The following EDIL3 variants were observed in gnomAD, a reference collection of about 807,000 sequenced individuals.
EDIL3 encodes EGF like and discoidin domains 3.
Under a neutral mutation model 67.4 loss-of-function variants are expected in EDIL3, and 37 were observed. That is an observed-to-expected ratio of 0.55 (90% CI 0.42 to 0.72). The LOEUF (loss-of-function observed/expected upper bound fraction) is 0.72, where lower values mean the gene tolerates loss of function less well. EDIL3 is among the 30% of genes least tolerant of loss of function. EDIL3 has a pLI of 0.00. For synonymous variants in EDIL3, 195 were observed against 196.3 expected, an observed-to-expected ratio of 0.99 and a Z score of 0.05; for missense variants, 527 against 586.3, an observed-to-expected ratio of 0.90 and a Z score of 1.04.
chr5:84,242,025 C>T (rs1237156470), intron 2 of EDIL3, among the ~76,000 whole-genome samples: 1 of 149,230 alleles, frequency 6.7e-6, no homozygotes, highest in Non-Finnish European at 1.5e-5. Context: ...TCGAGACCAT[C>T]CTGGCTAAAA....
At chr5:84,264,647 A>G (rs1050562134) in intron 1 of EDIL3, among the ~76,000 whole-genome samples, 30 of 152,218 alleles carry the variant, frequency 2.0e-4, no homozygotes, top group African/African-American at 7.0e-4. Context: ...TAGATAATAT[A>G]TTTTTGTAAT....
chr5:84,268,413 G>A (rs1022688348), intron 1 of EDIL3, among the ~76,000 whole-genome samples: 4 of 152,060 alleles, frequency 2.6e-5, no homozygotes, highest in Admixed American at 6.6e-5. Flanking sequence ...CCATTTACAC[G>A]AGAGTAAAAT....
chr5:84,319,247 C>T (rs34380060), intron 1 of EDIL3, among the ~76,000 whole-genome samples: 2,293 of 80,442 alleles, frequency 0.029, 655 homozygotes, highest in Non-Finnish European at 0.046. Context: ...CCGAGGCGGG[C>T]GGATCACGAG....
intron 1 of EDIL3, among the ~76,000 whole-genome samples, chr5:84,275,534 T>C (rs776031584): frequency 1.2e-4 from 19 of 152,332 alleles, no homozygotes; most frequent in Middle Eastern, 6.8e-3. Flanking sequence ...TTATCATGTG[T>C]TGGTCTCATT....
rs556123363 is a variant in EDIL3 at position 84,228,575 on chromosome 5, A to G, written c.226+1280T>C. 2.0e-5 allele frequency among the ~76,000 whole-genome samples: 3 copies of G among 152,272 alleles called. No homozygotes were observed. The South Asian group carries it at 6.2e-4, about 32-fold the overall frequency. On this transcript the variant is annotated intron_variant, in intron 3 of 10. Transcript: ENST00000296591. ...ATCAGGCTATAGACTATCTAACAAT[A>G]TTATGAAAATGAAACATCAATTGAG...
At chr5:84,349,213 C>A (rs548947089) in intron 1 of EDIL3, among the ~76,000 whole-genome samples, 2 of 152,162 alleles carry the variant, frequency 1.3e-5, no homozygotes, top group Non-Finnish European at 2.9e-5. Context: ...GGCAACAGTG[C>A]ATCGGATTTT....
At chr5:83,974,365 A>C (rs929567358) in intron 9 of EDIL3, among the ~76,000 whole-genome samples, 8 of 151,806 alleles carry the variant, frequency 5.3e-5, no homozygotes, top group African/African-American at 1.7e-4. Context: ...GAGAGTTTGG[A>C]AAAGATTGGA....
intron 1 of EDIL3, among the ~76,000 whole-genome samples, chr5:84,325,258 G>A (rs1291062375): frequency 6.6e-6 from 1 of 151,832 alleles, no homozygotes; most frequent in African/African-American, 2.4e-5. Context: ...AATGTATAGT[G>A]AATTCTTAAA....
intron 1 of EDIL3, among the ~76,000 whole-genome samples, chr5:84,363,075 A>G (rs1747647675): frequency 6.6e-6 from 1 of 152,142 alleles, no homozygotes; most frequent in Non-Finnish European, 1.5e-5. Context: ...TTAAGTATAT[A>G]CCTTTATAAT....
chr5:84,137,294 G>T lies in EDIL3; in HGVS notation c.416C>A (p.Ala139Asp). The T allele has an allele frequency of 6.2e-7, 1 of 1,613,306 alleles. No individual in the cohort carries two copies. Among genetic ancestry groups the T allele is most frequent in the Non-Finnish European group, 8.5e-7 (1 of 1,179,836 alleles). ...GCCTGGGCACTCACAGGAATAGTTAGCAACAAGATCTGTACATATTCCACC... is the reference window on the plus strand; with the variant it reads ...GCCTGGGCACTCACAGGAATAGTTATCAACAAGATCTGTACATATTCCACC... ...KNGGICTDLV[A>D]NYSCECPGEF... The change falls in exon 5 of 11, where the codon GCT becomes GAT. Residue 139 changes from alanine (A) to aspartate (D), a missense_variant. By Grantham distance (126) the Ala-to-Asp change is moderately radical. Coordinates refer to ENST00000296591, the MANE Select transcript of EDIL3 (RefSeq NM_005711.5).
Position 84,295,882 on chromosome 5 carries a change from T to C in EDIL3, c.68-41670A>G, listed in dbSNP as rs757476562. On this transcript the variant is annotated intron_variant, in intron 1 of 10. Coordinates refer to ENST00000296591, the MANE Select transcript of EDIL3 (RefSeq NM_005711.5). ...GTGACTCAGGTTGTCAGCAATCATA[T>C]AGGAAGGAAATTATAGGTTATTACA... Among the ~76,000 whole-genome samples the C allele has an allele frequency of 7.9e-4, 120 of 152,306 alleles. 2 individuals are homozygous for C. Among genetic ancestry groups the C allele is most frequent in the Non-Finnish European group, 2.8e-4 (19 of 67,996 alleles).
chr5:84,012,476 T>C (rs2112181963), intron 9 of EDIL3, among the ~76,000 whole-genome samples: 1 of 152,268 alleles, frequency 6.6e-6, no homozygotes, highest in South Asian at 2.1e-4. Flanking sequence ...TTAACCTCAG[T>C]TTGAGTTCAA....
chr5:84,314,842 C>T (rs1213072735), intron 1 of EDIL3, among the ~76,000 whole-genome samples: 1 of 152,084 alleles, frequency 6.6e-6, no homozygotes, highest in South Asian at 2.1e-4. Context: ...TCCCAGGAAT[C>T]AAAGAAATCT....
chr5:84,284,548 T>G (rs1286075108), intron 1 of EDIL3, among the ~76,000 whole-genome samples: 6 of 152,180 alleles, frequency 3.9e-5, no homozygotes, highest in Admixed American at 1.3e-4. Context: ...CTGCAATAAT[T>G]GGTTATAATC....
chr5:83,949,627 T>A lies in EDIL3; in HGVS notation c.1294-6059A>T, dbSNP rs549621980. Reference sequence around the variant, plus strand: ...CTATCTTGAAGTAAATTGCTGACCATCATATCTTTTTTCTATTGAACAGTT... The same window carrying A: ...CTATCTTGAAGTAAATTGCTGACCAACATATCTTTTTTCTATTGAACAGTT... On this transcript the variant is annotated intron_variant, in intron 10 of 10. Transcript: ENST00000296591. Among the ~76,000 whole-genome samples the A allele has an allele frequency of 2.0e-5, 3 of 151,944 alleles. 1 individual carries two copies. In the South Asian group the frequency reaches 6.2e-4, roughly 32 times the overall value.
intron 4 of EDIL3, among the ~76,000 whole-genome samples, chr5:84,165,003 G>A (rs941120001): frequency 6.6e-6 from 1 of 152,010 alleles, no homozygotes; most frequent in African/African-American, 2.4e-5. Context: ...GGGAAATTAA[G>A]GATCCTGAAG....
chr5:84,135,833 T>C (rs962213812), intron 5 of EDIL3, among the ~76,000 whole-genome samples: 8 of 152,228 alleles, frequency 5.3e-5, no homozygotes, highest in Non-Finnish European at 1.2e-4. Flanking sequence ...GTTTTTTTTT[T>C]CCCAATTCAA....
intron 1 of EDIL3, among the ~76,000 whole-genome samples, chr5:84,378,049 ACTT>A (rs1308340853): frequency 2.6e-5 from 4 of 152,226 alleles, no homozygotes; most frequent in African/African-American, 9.7e-5. Flanking sequence ...TGTAAGGTCT[ACTT>A]CTTTTTTACA....
rs371745506 is a variant in EDIL3 at position 84,043,992 on chromosome 5, C to T, written c.1137+16308G>A. Among the ~76,000 whole-genome samples the T allele has an allele frequency of 3.7e-4, 57 of 152,164 alleles. No homozygotes were observed. In the South Asian group the frequency reaches 0.011, roughly 30 times the overall value. On this transcript the variant is annotated intron_variant, in intron 9 of 10. Coordinates refer to ENST00000296591, the MANE Select transcript of EDIL3 (RefSeq NM_005711.5). ...TGCCAGGGTAGTTCGCTGCACCTAT[C>T]AACCCGTCATCTAGGTTTTAAGCCC... is the stretch of plus-strand genomic sequence containing the variant.
Sources: allele counts gnomAD v4.1 joint callset (sites outside exome capture counted in the v4.1 genomes callset), GRCh38; gene constraint gnomAD v4.1.1; transcripts MANE v1.5; gene names NCBI Gene and HGNC (gene_info 2026-07-23, HGNC 2026-07-21).